SBNO1: variants seen among roughly 807,000 people sequenced by gnomAD.
SBNO1 encodes strawberry notch homolog 1, also known as protein strawberry notch homolog 1.
SBNO1 carries 23 observed loss-of-function variants against 173.6 expected under a neutral mutation model. That is an observed-to-expected ratio of 0.13 (90% CI 0.10 to 0.19). SBNO1 has a LOEUF of 0.19. Ranked by LOEUF, SBNO1 falls within the 10% of genes least tolerant of loss-of-function variation. The probability of loss-of-function intolerance (pLI) is 1.00; values close to 1 mark genes in which losing one functional copy is unlikely to be tolerated. For synonymous variants in SBNO1, 632 were observed against 571.5 expected (o/e 1.11, Z -1.51); for missense variants, 1,238 against 1,671.2 (o/e 0.74, Z 4.52).
intron 10 of SBNO1, among the ~76,000 whole-genome samples, chr12:123,328,406 A>G (rs1242231704): frequency 6.6e-6 from 1 of 152,218 alleles, no homozygotes. Flanking sequence ...CAAGTTTGGG[A>G]CCACTAAGTT....
Position 123,350,291 on chromosome 12 carries a change from G to C in SBNO1, c.132+19C>G, listed in dbSNP as rs753940987. 1 of 1,611,578 alleles carries C rather than the reference G, an allele frequency of 6.2e-7. No individual in the cohort carries two copies. The highest frequency in any genetic ancestry group is 8.5e-7 in the Non-Finnish European group (1 of 1,179,208). ...TAAGCGGAAATCACTAAGAAAGAGAGGCTTTGGAAAACTCTTACCTGCTGA... is the reference window on the plus strand; with the variant it reads ...TAAGCGGAAATCACTAAGAAAGAGACGCTTTGGAAAACTCTTACCTGCTGA... On this transcript the variant is annotated intron_variant, in intron 2 of 31. Transcript: ENST00000602398.
chr12:123,308,118 C>G (rs1168603715), intron 28 of SBNO1, among the ~76,000 whole-genome samples: 2 of 152,046 alleles, frequency 1.3e-5, no homozygotes, highest in African/African-American at 4.8e-5. Context: ...TCTTAGAGAA[C>G]TGGCGAAATA....
chr12:123,291,229 G>A lies in SBNO1; in HGVS notation c.*4679C>T, dbSNP rs1277326912. ...CTTAAATAAACATAGGGAATTTGCTGCAGCAGCAGGCCAGAAACCACTGTT... is the reference window on the plus strand; with the variant it reads ...CTTAAATAAACATAGGGAATTTGCTACAGCAGCAGGCCAGAAACCACTGTT... On this transcript the variant is annotated 3_prime_UTR_variant, in exon 32 of 32. Coordinates refer to ENST00000602398, the MANE Select transcript of SBNO1 (RefSeq NM_001167856.3). 1 of 152,314 alleles carries A rather than the reference G, an allele frequency of 6.6e-6. No individual in the cohort carries two copies. The highest frequency in any genetic ancestry group is 1.9e-4 in the East Asian group (1 of 5,180). The allele number at this position is 152,314 out of a possible 1,614,324, so 9.4% of individuals were successfully genotyped here.
chr12:123,329,256 C>T lies in SBNO1; in HGVS notation c.1135-361G>A, dbSNP rs1870914814. Among the ~76,000 whole-genome samples the T allele has an allele frequency of 2.0e-5, 3 of 152,212 alleles. No individual in the cohort carries two copies. The South Asian group carries it at 6.2e-4, about 32-fold the overall frequency. ...ATTAGCCAGGCATCGTGGTGCGTGTCTGCAGTCCCAGCTACCACAGGGGCT... is the reference window on the plus strand; with the variant it reads ...ATTAGCCAGGCATCGTGGTGCGTGTTTGCAGTCCCAGCTACCACAGGGGCT... On this transcript the variant is annotated intron_variant, in intron 9 of 31. Transcript: ENST00000602398.
chr12:123,312,896 T>G (rs1868766924), intron 24 of SBNO1, among the ~76,000 whole-genome samples: 1 of 152,004 alleles, frequency 6.6e-6, no homozygotes, highest in African/African-American at 2.4e-5. Flanking sequence ...ACTTTAAAAT[T>G]AAATTGAATT....
chr12:123,362,051 AC>A (rs1331047032), intron 1 of SBNO1, among the ~76,000 whole-genome samples: 2 of 151,840 alleles, frequency 1.3e-5, no homozygotes, highest in East Asian at 3.9e-4. Flanking sequence ...AGGCAGAATA[AC>A]CGTTTTAACC....
intron 1 of SBNO1, 120 bp downstream of exon 1, chr12:123,364,581 A>G: frequency 1.0e-6 from 1 of 983,582 alleles, no homozygotes; most frequent in South Asian, 4.7e-5. Flanking sequence ...GGGAGGCCCC[A>G]AGCCGGGGCG....
intron 1 of SBNO1, among the ~76,000 whole-genome samples, chr12:123,358,548 T>TA (rs1330771295): frequency 3.3e-5 from 5 of 151,450 alleles, no homozygotes; most frequent in Non-Finnish European, 5.9e-5. Context: ...GGTCAGGAGA[T>TA]AGAGACCACA....
chr12:123,320,628 A>C, intron 18 of SBNO1, 21 bp from the exon 19 acceptor site: 1 of 1,602,158 alleles, frequency 6.2e-7, no homozygotes, highest in Non-Finnish European at 8.5e-7. Flanking sequence ...AACATTTGCT[A>C]AAAGTTAGTA....
intron 5 of SBNO1, among the ~76,000 whole-genome samples, chr12:123,337,983 T>C (rs1872053556): frequency 6.6e-6 from 1 of 152,116 alleles, no homozygotes; most frequent in Non-Finnish European, 1.5e-5. Context: ...AACAAACAAG[T>C]AATACCTTGA....
chr12:123,317,090 G>T, intron 21 of SBNO1, 131 bp downstream of exon 21: 1 of 870,792 alleles, frequency 1.1e-6, no homozygotes, highest in Non-Finnish European at 1.8e-6. Flanking sequence ...CTCCCACAGT[G>T]GCCTCCCGAA....
chr12:123,346,259 G>A (rs1282725985), intron 3 of SBNO1, among the ~76,000 whole-genome samples: 1 of 152,114 alleles, frequency 6.6e-6, no homozygotes, highest in Non-Finnish European at 1.5e-5. Flanking sequence ...CTCCCCAAAA[G>A]ACTAGTAACA....
intron 5 of SBNO1, 63 bp downstream of exon 5, chr12:123,340,925 C>G: frequency 9.8e-7 from 1 of 1,023,148 alleles, no homozygotes; most frequent in East Asian, 2.4e-5. Context: ...CCATATAGAA[C>G]ACTTTTAGTT....
chr12:123,330,350 A>G, intron 9 of SBNO1, 69 bp downstream of exon 9: 2 of 924,978 alleles, frequency 2.2e-6, no homozygotes, highest in Admixed American at 4.1e-5. Context: ...ATACATAGCT[A>G]TTATTATTGT....
chr12:123,358,698 G>A (rs1161311014), intron 1 of SBNO1, among the ~76,000 whole-genome samples: 2 of 122,354 alleles, frequency 1.6e-5, no homozygotes, highest in East Asian at 2.4e-4. Flanking sequence ...AGCCAAGATC[G>A]CGCCACTGCA....
At chr12:123,337,621 C>T (rs1478180200) in intron 5 of SBNO1, among the ~76,000 whole-genome samples, 1 of 152,052 alleles carries the variant, frequency 6.6e-6, no homozygotes, top group African/African-American at 2.4e-5. Flanking sequence ...AATCTAAAAA[C>T]TTGGAATGTT....
intron 3 of SBNO1, among the ~76,000 whole-genome samples, chr12:123,347,419 G>C (rs1263787394): frequency 6.6e-6 from 1 of 151,528 alleles, no homozygotes; most frequent in African/African-American, 2.4e-5. Context: ...GTAGAGACGG[G>C]GTTTCACCAT....
At position 123,327,274 on chromosome 12, in the gene SBNO1, G is replaced by T. The variant is rs2138990555; in HGVS notation, c.1692+152C>A. ...GACCTGCTCGCCTCAGCCTCCCAAA[G>T]TGCTGAGGCATGAGACACCGTGCCT... On this transcript the variant is annotated intron_variant, in intron 13 of 31. Transcript: ENST00000602398. 5 of 658,734 alleles carry T rather than the reference G, an allele frequency of 7.6e-6. No homozygotes were observed. In the East Asian group the frequency reaches 1.4e-4, roughly 18 times the overall value. The allele number at this position is 658,734 out of a possible 1,614,324, so 40.8% of individuals were successfully genotyped here.
At chr12:123,350,504 C>G in intron 1 of SBNO1, 63 bp from the exon 2 acceptor site, 1 of 1,293,264 alleles carries the variant, frequency 7.7e-7, no homozygotes, top group Non-Finnish European at 1.1e-6. Flanking sequence ...TAACTCCCCT[C>G]TAAATATAAA....
Sources: allele counts gnomAD v4.1 joint callset (sites outside exome capture counted in the v4.1 genomes callset), GRCh38; gene constraint gnomAD v4.1.1; transcripts MANE v1.5; gene names NCBI Gene and HGNC (gene_info 2026-07-23, HGNC 2026-07-21).